ABLIM1: variants seen among roughly 807,000 people sequenced by gnomAD.
The protein encoded by ABLIM1 is actin binding LIM protein 1.
A neutral mutation model predicts 107.0 loss-of-function variants in ABLIM1; 40 were observed. That is an observed-to-expected ratio of 0.37 (90% CI 0.29 to 0.49). The LOEUF is 0.49. Ranked by LOEUF, ABLIM1 falls within the 20% of genes least tolerant of loss-of-function variation. The pLI is 0.97. For missense variants in ABLIM1, 857 were observed against 1,008.5 expected (o/e 0.85, Z 2.04); for synonymous variants, 357 against 357.3 (o/e 1.00, Z 0.01).
chr10:114,545,447 G>A (rs2067206347), intron 5 of ABLIM1, among the ~76,000 whole-genome samples: 1 of 152,184 alleles, frequency 6.6e-6, no homozygotes, highest in South Asian at 2.1e-4. Context: ...TGAGCCCACT[G>A]AGCCCACATA....
At chr10:114,446,639 C>T (rs1374199747) in intron 15 of ABLIM1, among the ~76,000 whole-genome samples, 1 of 148,052 alleles carries the variant, frequency 6.8e-6, no homozygotes, top group African/African-American at 2.7e-5. Context: ...GAGCTTTAAA[C>T]TACTTAGTGA....
At chr10:114,554,398 C>T (rs915089080) in intron 4 of ABLIM1, among the ~76,000 whole-genome samples, 2 of 152,278 alleles carry the variant, frequency 1.3e-5, no homozygotes, top group Admixed American at 1.3e-4. Flanking sequence ...GCTATGTAAT[C>T]TAAGATATCA....
rs1302392794 is a variant in ABLIM1 at position 114,435,377 on chromosome 10, A to G, written c.*883T>C. The G allele has an allele frequency of 6.6e-6, 1 of 152,168 alleles. No homozygotes were observed. The highest frequency in any genetic ancestry group is 1.5e-5 in the Non-Finnish European group (1 of 68,030). The allele number at this position is 152,168 out of a possible 1,614,324, so 9.4% of individuals were successfully genotyped here. A position where few individuals can be genotyped will look rare whatever the true frequency, so the allele number is the denominator to read the frequency against. On this transcript the variant is annotated 3_prime_UTR_variant, in exon 23 of 23. Coordinates refer to ENST00000533213, the MANE Select transcript of ABLIM1 (RefSeq NM_002313.7). ...TTTTGCTTTTTGGTTTTTTTTGGCC[A>G]TGAATGATATGGCCCCTATGCAAAA...
chr10:114,503,571 G>A (rs2060725134), intron 6 of ABLIM1, among the ~76,000 whole-genome samples: 1 of 152,096 alleles, frequency 6.6e-6, no homozygotes, highest in South Asian at 2.1e-4. Flanking sequence ...ATATGCATGG[G>A]AATAGAGAGT....
chr10:114,551,685 G>A (rs766606116), intron 4 of ABLIM1, among the ~76,000 whole-genome samples: 3 of 152,204 alleles, frequency 2.0e-5, no homozygotes, highest in East Asian at 1.9e-4. Context: ...CTTCAGATTC[G>A]CCTTAGGCTC....
Position 114,444,151 on chromosome 10 carries a change from G to GAA in ABLIM1, c.1828-18_1828-17insTT. 6 of 1,239,158 alleles carry GAA rather than the reference G, an allele frequency of 4.8e-6. No homozygotes were observed. The highest frequency in any genetic ancestry group is 3.1e-5 in the Admixed American group (1 of 32,216). 76.8% of individuals were successfully genotyped at this position (1,239,158 alleles called of 1,614,324 possible). A position where few individuals can be genotyped will look rare whatever the true frequency, so the allele number is the denominator to read the frequency against. ...TGAGTTAAGCTATTCACAGAAAAAA[G>GAA]GAAAAAAAAAAAAAAAAGAAAGCAA... is the stretch of plus-strand genomic sequence containing the variant. On this transcript the variant is annotated splice_polypyrimidine_tract_variant and intron_variant, in intron 16 of 22. Coordinates refer to ENST00000533213, the MANE Select transcript of ABLIM1 (RefSeq NM_002313.7).
At chr10:114,537,179 C>T (rs1419290868) in intron 6 of ABLIM1, among the ~76,000 whole-genome samples, 1 of 152,098 alleles carries the variant, frequency 6.6e-6, no homozygotes, top group East Asian at 1.9e-4. Flanking sequence ...AGTTCAGGCT[C>T]ACTCTCTCTC....
At chr10:114,664,969 T>C (rs2141299708) in intron 1 of ABLIM1, among the ~76,000 whole-genome samples, 1 of 151,968 alleles carries the variant, frequency 6.6e-6, no homozygotes, top group African/African-American at 2.4e-5. Context: ...ATACAAAAAA[T>C]TAGCCGGGTG....
the ABLIM1 span, among the ~76,000 whole-genome samples, chr10:114,798,242 G>A: frequency 3.3e-5 from 5 of 152,012 alleles, no homozygotes; most frequent in South Asian, 2.1e-4. Flanking sequence ...CCAACATGGC[G>A]AAACCCCATC....
intron 2 of ABLIM1, among the ~76,000 whole-genome samples, chr10:114,581,281 AAACAG>A (rs1407944740): frequency 6.6e-6 from 1 of 152,236 alleles, no homozygotes; most frequent in Non-Finnish European, 1.5e-5. Flanking sequence ...ACAAGGGTGA[AAACAG>A]AACAGTATTT....
In ABLIM1 at chr10:114,729,557, G is replaced by T. The variant is rs145165599; in HGVS notation, c.-213+38504C>A. 6.2e-4 allele frequency among the ~76,000 whole-genome samples: 94 copies of T among 152,208 alleles called. No homozygotes were observed. In the East Asian group the frequency reaches 0.012, roughly 19 times the overall value. On this transcript the variant is annotated intron_variant, in intron 1 of 15. Transcript: ENST00000651092. Reference sequence around the variant, plus strand: ...TCTTTGATTGTGAATGACCATGACTGCCCTAAGGACACAGGACATAGGAAA... The same window carrying T: ...TCTTTGATTGTGAATGACCATGACTTCCCTAAGGACACAGGACATAGGAAA...
At chr10:114,481,156 CACTT>C (rs1171837084) in intron 8 of ABLIM1, among the ~76,000 whole-genome samples, 3 of 152,058 alleles carry the variant, frequency 2.0e-5, no homozygotes, top group Admixed American at 2.0e-4. Flanking sequence ...CCATTAAAAA[CACTT>C]ACCAGAGCTC....
chr10:114,612,034 G>T (rs999400589), intron 1 of ABLIM1, among the ~76,000 whole-genome samples: 3 of 152,220 alleles, frequency 2.0e-5, no homozygotes, highest in Non-Finnish European at 4.4e-5. Context: ...AAGGGGCCAA[G>T]AATACATGCC....
At chr10:114,494,852 C>G (rs546170019) in intron 6 of ABLIM1, among the ~76,000 whole-genome samples, 5 of 152,242 alleles carry the variant, frequency 3.3e-5, no homozygotes, top group African/African-American at 9.6e-5. Context: ...TCAGCTTCCA[C>G]ATCAATAAAA....
chr10:114,603,351 G>C (rs149937064), intron 1 of ABLIM1, among the ~76,000 whole-genome samples: 19 of 152,280 alleles, frequency 1.2e-4, no homozygotes, highest in African/African-American at 4.6e-4. Context: ...TGAGAAACAA[G>C]GTTCTTCTTG....
intron 1 of ABLIM1, among the ~76,000 whole-genome samples, chr10:114,626,265 C>T (rs1352925604): frequency 1.3e-5 from 2 of 152,292 alleles, no homozygotes; most frequent in South Asian, 2.1e-4. Flanking sequence ...TACTATCAAA[C>T]CATAAAGGGT....
At chr10:114,648,553 C>T (rs924212519) in intron 1 of ABLIM1, among the ~76,000 whole-genome samples, 8 of 152,098 alleles carry the variant, frequency 5.3e-5, no homozygotes, top group East Asian at 1.9e-4. Context: ...TGTTTTCTAA[C>T]GGGCACAAGG....
chr10:114,798,559 C>A, the ABLIM1 span, among the ~76,000 whole-genome samples: 3 of 141,972 alleles, frequency 2.1e-5, no homozygotes, highest in East Asian at 3.9e-4. Flanking sequence ...TGATGAGACC[C>A]CCCCCCCATG....
chr10:114,756,128 T>C (rs1178582610), intron 1 of ABLIM1, among the ~76,000 whole-genome samples: 2 of 152,078 alleles, frequency 1.3e-5, no homozygotes, highest in East Asian at 1.9e-4. Context: ...AAGAAAAGGA[T>C]GTAGATTTAT....
Sources: gnomAD v4.1 joint callset for allele counts (sites outside exome capture counted in the v4.1 genomes callset) on GRCh38, gnomAD v4.1.1 for gene constraint, MANE v1.5 for transcripts, NCBI Gene and HGNC (gene_info 2026-07-23, HGNC 2026-07-21) for gene names.